The following AFG1L variants were observed in gnomAD, a reference collection of about 807,000 sequenced individuals.
AFG1L encodes AFG1-like ATPase.
In AFG1L, 53 loss-of-function variants were observed where a neutral mutation model predicts 62.2. That is an observed-to-expected ratio of 0.85 (90% CI 0.68 to 1.07). The LOEUF (loss-of-function observed/expected upper bound fraction) is 1.07. Among genes scored for constraint, AFG1L ranks in the 50% least tolerant of loss-of-function variants. The pLI, the probability that AFG1L is intolerant of heterozygous loss-of-function variation, is 0.00. For missense variants in AFG1L, 555 were observed against 590.5 expected (o/e 0.94, Z 0.62); for synonymous variants, 228 against 210.3 (o/e 1.08, Z -0.73).
At chr6:108,478,963 A>T (rs1773230938) in intron 10 of AFG1L, among the ~76,000 whole-genome samples, 1 of 152,180 alleles carries the variant, frequency 6.6e-6, no homozygotes, top group South Asian at 2.1e-4. Context: ...TATAAAAATA[A>T]ATTGTTTTGT....
At chr6:108,515,151 A>C (rs1221993660) in intron 11 of AFG1L, among the ~76,000 whole-genome samples, 1 of 152,228 alleles carries the variant, frequency 6.6e-6, no homozygotes, top group African/African-American at 2.4e-5. Context: ...AGCGGACCTA[A>C]TAGACATCTA....
At chr6:108,483,481 G>T (rs1251662370) in intron 10 of AFG1L, among the ~76,000 whole-genome samples, 1 of 152,108 alleles carries the variant, frequency 6.6e-6, no homozygotes, top group East Asian at 1.9e-4. Flanking sequence ...GACCAAAAAT[G>T]AAAGAATCCT....
chr6:108,477,520 G>T (rs1049897200), intron 10 of AFG1L, among the ~76,000 whole-genome samples: 26 of 152,214 alleles, frequency 1.7e-4, no homozygotes, highest in Admixed American at 1.4e-3. Flanking sequence ...AATGCAGAGA[G>T]AACTGTCAAC....
chr6:108,437,693 A>G (rs1392429011), intron 7 of AFG1L, among the ~76,000 whole-genome samples: 1 of 152,232 alleles, frequency 6.6e-6, no homozygotes, highest in Non-Finnish European at 1.5e-5. Flanking sequence ...AGGAAATAAT[A>G]TAAAATCATA....
chr6:108,429,651 A>C (rs1320968370), intron 7 of AFG1L, among the ~76,000 whole-genome samples: 3 of 152,174 alleles, frequency 2.0e-5, no homozygotes, highest in Non-Finnish European at 4.4e-5. Flanking sequence ...CTTTTATACC[A>C]GTACCATGCT....
chr6:108,341,032 A>G lies in AFG1L; in HGVS notation c.364-5956A>G, dbSNP rs1778660302. On this transcript the variant is annotated intron_variant, in intron 2 of 12. Transcript: ENST00000368977. ...TCACCAGGAAAACAGAATTGTTGAC[A>G]ATATGGAGGGCCCAGAGAGAGGGTC... 2.0e-5 allele frequency among the ~76,000 whole-genome samples: 3 copies of G among 152,186 alleles called. No homozygotes were observed. In the South Asian group the frequency reaches 6.2e-4, roughly 31 times the overall value.
chr6:108,440,522 T>C (rs1229584314), intron 7 of AFG1L, among the ~76,000 whole-genome samples: 1 of 152,020 alleles, frequency 6.6e-6, no homozygotes, highest in African/African-American at 2.4e-5. Context: ...CTTAGTTATT[T>C]AAAATTTTAT....
At chr6:108,490,491 C>T (rs927404565) in intron 10 of AFG1L, among the ~76,000 whole-genome samples, 1 of 152,206 alleles carries the variant, frequency 6.6e-6, no homozygotes, top group African/African-American at 2.4e-5. Context: ...CCTAATCTTA[C>T]TGCTTTTTAG....
chr6:108,307,524 G>GTGC (rs1777249901), intron 1 of AFG1L, among the ~76,000 whole-genome samples: 1 of 149,970 alleles, frequency 6.7e-6, no homozygotes, highest in Non-Finnish European at 1.5e-5. Context: ...AATCCTCCCA[G>GTGC]CTCAGTCTCC....
chr6:108,336,120 G>A (rs530631544), intron 2 of AFG1L, among the ~76,000 whole-genome samples: 6 of 152,234 alleles, frequency 3.9e-5, no homozygotes, highest in African/African-American at 1.4e-4. Flanking sequence ...AGTTTTTAAA[G>A]ATCTTCTTAG....
chr6:108,394,454 G>A (rs986107902), intron 6 of AFG1L, among the ~76,000 whole-genome samples: 11 of 130,532 alleles, frequency 8.4e-5, no homozygotes, highest in African/African-American at 2.6e-4. Context: ...CGGCCTTGCC[G>A]TTTTTTTTAT....
chr6:108,383,371 C>T (rs6932328), intron 6 of AFG1L, among the ~76,000 whole-genome samples: 149 of 152,170 alleles, frequency 9.8e-4, no homozygotes, highest in African/African-American at 3.6e-3. Context: ...AACATAGACT[C>T]TGCAATACAG....
chr6:108,325,033 C>T (rs1414390163), intron 2 of AFG1L, among the ~76,000 whole-genome samples: 1 of 152,150 alleles, frequency 6.6e-6, no homozygotes, highest in African/African-American at 2.4e-5. Flanking sequence ...GGTGTCCGTG[C>T]AGGCCACAGG....
intron 7 of AFG1L, 147 bp downstream of exon 7, chr6:108,402,201 A>G: frequency 2.3e-6 from 1 of 434,354 alleles, no homozygotes; most frequent in Non-Finnish European, 4.1e-6. Flanking sequence ...ACGGTGGCTC[A>G]TGCCTTTAAT....
At chr6:108,422,921 T>C (rs1487461353) in intron 7 of AFG1L, among the ~76,000 whole-genome samples, 2 of 152,054 alleles carry the variant, frequency 1.3e-5, no homozygotes, top group East Asian at 3.9e-4. Context: ...TAACCCATTT[T>C]GCATATTGTG....
chr6:108,415,595 A>T (rs1262830231), intron 7 of AFG1L, among the ~76,000 whole-genome samples: 1 of 152,230 alleles, frequency 6.6e-6, no homozygotes, highest in Non-Finnish European at 1.5e-5. Flanking sequence ...GGAACAGAAT[A>T]GAGCCCCCGG....
intron 1 of AFG1L, among the ~76,000 whole-genome samples, chr6:108,303,075 G>T (rs566041463): frequency 6.6e-6 from 1 of 152,144 alleles, no homozygotes; most frequent in Non-Finnish European, 1.5e-5. Flanking sequence ...GCCACACCTG[G>T]CTAATTTTTG....
At chr6:108,520,665 G>C (rs1582699433) in intron 12 of AFG1L, 1 of 152,172 alleles carries the variant, frequency 6.6e-6, no homozygotes, top group Non-Finnish European at 1.5e-5. Flanking sequence ...TTGGGAGAAC[G>C]AGGCCAATTT....
intron 11 of AFG1L, among the ~76,000 whole-genome samples, chr6:108,511,628 T>C (rs1774656081): frequency 1.3e-5 from 2 of 152,226 alleles, no homozygotes; most frequent in Non-Finnish European, 2.9e-5. Flanking sequence ...AAAAGTACAA[T>C]TTGAAATTAG....
Sources: allele counts gnomAD v4.1 joint callset (sites outside exome capture counted in the v4.1 genomes callset), GRCh38; gene constraint gnomAD v4.1.1; transcripts MANE v1.5; gene names NCBI Gene and HGNC (gene_info 2026-07-23, HGNC 2026-07-21).